The following QKI variants were observed in gnomAD, a reference collection of about 807,000 sequenced individuals.
QKI encodes QKI, KH domain containing RNA binding, also known as KH domain-containing RNA-binding protein QKI.
In QKI, 10 loss-of-function variants were observed where a neutral mutation model predicts 39.0. That is an observed-to-expected ratio of 0.26 (90% CI 0.16 to 0.43). The LOEUF is 0.43. Ranked by LOEUF, QKI falls within the 20% of genes least tolerant of loss-of-function variation. The pLI is 1.00. For missense variants in QKI, 218 were observed against 428.0 expected, an observed-to-expected ratio of 0.51 and a Z score of 4.33; for synonymous variants, 204 against 155.4, an observed-to-expected ratio of 1.31 and a Z score of -2.33.
At chr6:163,496,563 T>G (rs1179605933) in intron 3 of QKI, among the ~76,000 whole-genome samples, 1 of 152,178 alleles carries the variant, frequency 6.6e-6, no homozygotes, top group Non-Finnish European at 1.5e-5. Context: ...CAGAGTGAAT[T>G]TAAAGAATAA....
At chr6:163,463,123 A>G (rs1791467131) in intron 2 of QKI, among the ~76,000 whole-genome samples, 1 of 152,232 alleles carries the variant, frequency 6.6e-6, no homozygotes, top group Admixed American at 6.5e-5. Flanking sequence ...TTGGATTTGA[A>G]TAGAGTTTCT....
intron 1 of QKI, among the ~76,000 whole-genome samples, chr6:163,439,761 T>G (rs547885658): frequency 6.6e-6 from 1 of 151,536 alleles, no homozygotes; most frequent in African/African-American, 2.4e-5. Context: ...GCAATTCTCA[T>G]GTCTCAGCCT....
intron 5 of QKI, among the ~76,000 whole-genome samples, chr6:163,562,568 A>G (rs1033584281): frequency 6.6e-6 from 1 of 152,166 alleles, no homozygotes; most frequent in Non-Finnish European, 1.5e-5. Flanking sequence ...AGTGGGTGAT[A>G]ACTCTTTTTC....
intron 3 of QKI, among the ~76,000 whole-genome samples, chr6:163,482,119 G>C (rs1235043842): frequency 2.0e-5 from 3 of 152,058 alleles, no homozygotes; most frequent in Non-Finnish European, 4.4e-5. Flanking sequence ...AGGAGTTGAG[G>C]CAACAGTGAG....
intron 4 of QKI, among the ~76,000 whole-genome samples, chr6:163,538,290 ATAT>A (rs1211561497): frequency 6.6e-6 from 1 of 152,238 alleles, no homozygotes; most frequent in African/African-American, 2.4e-5. Flanking sequence ...AATATAGGCA[ATAT>A]TCTCTTTTAA....
At chr6:163,477,765 A>G (rs1230319) in intron 2 of QKI, among the ~76,000 whole-genome samples, 149,153 of 152,302 alleles carry the variant, frequency 0.98, 73,058 homozygotes, top group East Asian at 1. Context: ...CTAAGGTGTG[A>G]CAATGCAAAA....
At chr6:163,506,618 C>T (rs965401657) in intron 3 of QKI, among the ~76,000 whole-genome samples, 1 of 152,120 alleles carries the variant, frequency 6.6e-6, no homozygotes, top group East Asian at 1.9e-4. Context: ...GATCCTATAA[C>T]TTAGCCACAT....
chr6:163,452,152 C>T (rs1310883963), intron 1 of QKI, among the ~76,000 whole-genome samples: 1 of 152,142 alleles, frequency 6.6e-6, no homozygotes, highest in Non-Finnish European at 1.5e-5. Flanking sequence ...ACTGTTAGAA[C>T]TGGAATCAGA....
chr6:163,525,520 G>A (rs1259105714), intron 3 of QKI, among the ~76,000 whole-genome samples: 1 of 151,892 alleles, frequency 6.6e-6, no homozygotes, highest in Non-Finnish European at 1.5e-5. Context: ...CACCACACCT[G>A]GCTAATTTTT....
intron 2 of QKI, among the ~76,000 whole-genome samples, chr6:163,470,255 C>T (rs982750351): frequency 6.6e-6 from 1 of 152,054 alleles, no homozygotes; most frequent in Non-Finnish European, 1.5e-5. Flanking sequence ...CCTCCCTTGC[C>T]ATGCCCAGCC....
At chr6:163,466,782 A>C (rs1411066275) in intron 2 of QKI, among the ~76,000 whole-genome samples, 2 of 152,182 alleles carry the variant, frequency 1.3e-5, no homozygotes, top group Non-Finnish European at 2.9e-5. Flanking sequence ...AGGAAAAAAC[A>C]CTGAATTATA....
rs34924542 is a variant in QKI at position 163,493,133 on chromosome 6, C to CTTT, written c.402+14250_402+14252dup. Reference sequence around the variant, plus strand: ...ACGTACTAAAAAGTCATCTACAATACTTTTTTTTTTTTTTTGAGATGGAGT... The same window carrying CTTT: ...ACGTACTAAAAAGTCATCTACAATACTTTTTTTTTTTTTTTTTTGAGATGGAGT... On this transcript the variant is annotated intron_variant, in intron 3 of 7. Coordinates refer to ENST00000361752, the MANE Select transcript of QKI (RefSeq NM_006775.3). 1.4e-3 allele frequency among the ~76,000 whole-genome samples: 201 copies of CTTT among 140,630 alleles called. 1 individual carries two copies. Among genetic ancestry groups the CTTT allele is most frequent in the African/African-American group, 4.7e-3 (179 of 38,026 alleles). 92.3% of individuals were successfully genotyped at this position (140,630 alleles called of 152,430 possible).
intron 7 of QKI, chr6:163,568,225 C>A (rs1348950870): frequency 1.0e-6 from 1 of 984,206 alleles, no homozygotes; most frequent in Non-Finnish European, 1.2e-6. Flanking sequence ...TACAATTGTT[C>A]TAAAGAGTAT....
At chr6:163,448,335 G>GTTT (rs545732473) in intron 1 of QKI, among the ~76,000 whole-genome samples, 5 of 137,964 alleles carry the variant, frequency 3.6e-5, no homozygotes, top group Non-Finnish European at 4.7e-5. Context: ...AATAGCTTGG[G>GTTT]TTTTTTTTTT....
At chr6:163,567,924 C>G in intron 7 of QKI, 1 of 985,348 alleles carries the variant, frequency 1.0e-6, no homozygotes, top group South Asian at 4.7e-5. Flanking sequence ...CAGCTGTTGT[C>G]CACATCAGAA....
At position 163,496,527 on chromosome 6, in the gene QKI, T is replaced by C. The variant is rs1778422394; in HGVS notation, c.402+17631T>C. Among the ~76,000 whole-genome samples, 3 of 152,308 alleles carry C rather than the reference T, an allele frequency of 2.0e-5. No individual in the cohort carries two copies. The South Asian group carries it at 6.2e-4, about 32-fold the overall frequency. On this transcript the variant is annotated intron_variant, in intron 3 of 7. Coordinates refer to ENST00000361752, the MANE Select transcript of QKI (RefSeq NM_006775.3). ...TCTTCTGATTTCCTTATTTCCATTC[T>C]TCCGCCCTTTTCTCTTTTCAGCAAC...
At chr6:163,510,232 T>TAATAAC (rs1779361648) in intron 3 of QKI, among the ~76,000 whole-genome samples, 1 of 115,544 alleles carries the variant, frequency 8.7e-6, no homozygotes, top group African/African-American at 4.2e-5. Flanking sequence ...ATAATAATAA[T>TAATAAC]AATAATAATA....
chr6:163,441,551 A>G (rs1789763308), intron 1 of QKI, among the ~76,000 whole-genome samples: 3 of 152,254 alleles, frequency 2.0e-5, no homozygotes, highest in Non-Finnish European at 4.4e-5. Context: ...ACAGGCAATA[A>G]TCAATAAACA....
intron 3 of QKI, among the ~76,000 whole-genome samples, chr6:163,515,512 T>C (rs1443811794): frequency 6.6e-6 from 1 of 152,116 alleles, no homozygotes; most frequent in Non-Finnish European, 1.5e-5. Context: ...TTGTGGTTCT[T>C]TGTGTAGCAG....
Sources: allele counts gnomAD v4.1 joint callset (sites outside exome capture counted in the v4.1 genomes callset), GRCh38; gene constraint gnomAD v4.1.1; transcripts MANE v1.5; gene names NCBI Gene and HGNC (gene_info 2026-07-23, HGNC 2026-07-21).